The following TAAR1 variants were observed in gnomAD, a reference collection of about 807,000 sequenced individuals.
TAAR1 encodes trace amine-associated receptor 1.
TAAR1 carries 1 observed loss-of-function variant against 1.2 expected under a neutral mutation model. The ratio of observed to expected loss-of-function variants is 0.81; its 90% CI spans 0.29 to 3.86. TAAR1 has a LOEUF of 3.86. Among genes scored for constraint, TAAR1 ranks in the 30% most tolerant of loss-of-function variants. The pLI, the probability that TAAR1 is intolerant of heterozygous loss-of-function variation, is 0.18. For synonymous variants in TAAR1, 153 were observed against 132.2 expected, an observed-to-expected ratio of 1.16 and a Z score of -1.08; for missense variants, 445 against 405.6, an observed-to-expected ratio of 1.10 and a Z score of -0.83.
chr6:132,651,616 C>A lies in TAAR1; in HGVS notation c.-126-5487G>T, dbSNP rs6902492. ...GTTATCTAGAATCAGATCATTTCTC[C>A]TCATTTCTACTACTATCACCATCCT... On this transcript the variant is annotated intron_variant, in intron 1 of 1. Coordinates refer to ENST00000275216, the MANE Select transcript of TAAR1 (RefSeq NM_138327.4). Among the ~76,000 whole-genome samples, 6 of 152,026 alleles carry A rather than the reference C, an allele frequency of 3.9e-5. No individual in the cohort carries two copies. The East Asian group carries it at 7.7e-4, about 20-fold the overall frequency.
intron 1 of TAAR1, among the ~76,000 whole-genome samples, chr6:132,657,433 G>A (rs1021705831): frequency 4.0e-5 from 6 of 151,650 alleles, no homozygotes; most frequent in African/African-American, 1.5e-4. Context: ...TTAACAAGAT[G>A]TTAAATAAAA....
rs1241283925 is a variant in TAAR1, at chr6:132,647,619, AAAAGGAAAG to A, written c.-126-1499_-126-1491del. On this transcript the variant is annotated intron_variant, in intron 1 of 1. Coordinates refer to ENST00000275216, the MANE Select transcript of TAAR1 (RefSeq NM_138327.4). Reference sequence around the variant, plus strand: ...AAGAGAAAGAAAAAAGAAAGAAAGAAAAAGGAAAGAAAGAAAGAAAGAAAGAAAGAAAGA... The same window carrying A: ...AAGAGAAAGAAAAAAGAAAGAAAGAAAAAGAAAGAAAGAAAGAAAGAAAGA... Among the ~76,000 whole-genome samples the A allele has an allele frequency of 5.9e-3, 687 of 115,996 alleles. 12 individuals are homozygous for A. Among genetic ancestry groups the A allele is most frequent in the Middle Eastern group, 0.023 (6 of 260 alleles). The allele number at this position is 115,996 out of a possible 152,430, so 76.1% of individuals were successfully genotyped here. A position where few individuals can be genotyped will look rare whatever the true frequency, so the allele number is the denominator to read the frequency against.
intron 1 of TAAR1, among the ~76,000 whole-genome samples, chr6:132,650,647 T>A (rs189473070): frequency 6.6e-6 from 1 of 152,242 alleles, no homozygotes; most frequent in African/African-American, 2.4e-5. Context: ...AATGTCCACA[T>A]CCCTCCAGCC....
chr6:132,658,800 A>T (rs1479409870), intron 1 of TAAR1, among the ~76,000 whole-genome samples: 1 of 152,210 alleles, frequency 6.6e-6, no homozygotes, highest in Non-Finnish European at 1.5e-5. Flanking sequence ...AGATTTTTTA[A>T]AAGTTTCAAC....
chr6:132,653,553 G>C (rs1777769989), intron 1 of TAAR1, among the ~76,000 whole-genome samples: 1 of 152,198 alleles, frequency 6.6e-6, no homozygotes. Flanking sequence ...ATTGGAGACA[G>C]AGACATGGGA....
At chr6:132,646,774 C>T (rs1457274448) in intron 1 of TAAR1, among the ~76,000 whole-genome samples, 1 of 152,028 alleles carries the variant, frequency 6.6e-6, no homozygotes, top group Non-Finnish European at 1.5e-5. Flanking sequence ...CTTCATTAAC[C>T]TCATTTTACT....
Position 132,645,165 on chromosome 6 carries a change from A to G in TAAR1, c.839T>C (p.Ile280Thr). ...TACATCATTCAAAGTAGGTGGAATA[A>G]TGTAGTGAAGAAAAGGGTCCATGAC... ...CTVMDPFLHY[I>T]IPPTLNDVLI... is the part of the protein sequence containing the mutation. The change falls in exon 2 of 2, where the codon ATT (isoleucine) becomes ACT (threonine). Residue 280 changes from isoleucine to threonine, a missense_variant. Transcript: ENST00000275216. 1.2e-6 allele frequency: 2 copies of G among 1,612,712 alleles called. No homozygotes were observed. The highest frequency in any genetic ancestry group is 2.7e-5 in the African/African-American group (2 of 74,938).
Position 132,645,796 on chromosome 6 carries a change from A to T in TAAR1, c.208T>A (p.Phe70Ile). ...GGCATGACCAGACACCCCAGAAGAA[A>T]GTCCACAGTGGCCATGGAATGAATG... ...WLIHSMATVD[F>I]LLGCLVMPYS... The change falls in exon 2 of 2, where the codon TTT becomes ATT. Residue 70 changes from phenylalanine to isoleucine, a missense_variant. Physicochemically the swap from Phe to Ile is conservative, Grantham distance 21. Transcript: ENST00000275216. 6.2e-7 allele frequency: 1 copy of T among 1,613,752 alleles called. No homozygotes were observed. Among genetic ancestry groups the T allele is most frequent in the Non-Finnish European group, 8.5e-7 (1 of 1,179,816 alleles).
At chr6:132,651,887 G>A (rs974422332) in intron 1 of TAAR1, among the ~76,000 whole-genome samples, 6 of 152,164 alleles carry the variant, frequency 3.9e-5, no homozygotes, top group African/African-American at 1.4e-4. Context: ...CCCCTATCAG[G>A]CCAAAGAAAC....
At chr6:132,652,166 T>G (rs1777756529) in intron 1 of TAAR1, among the ~76,000 whole-genome samples, 1 of 127,542 alleles carries the variant, frequency 7.8e-6, no homozygotes, top group Non-Finnish European at 1.8e-5. Flanking sequence ...GCTAGGTGAT[T>G]TTTTTTTCCA....
chr6:132,647,880 GA>G, intron 1 of TAAR1, among the ~76,000 whole-genome samples: 1 of 151,944 alleles, frequency 6.6e-6, no homozygotes. Context: ...TAGAATGAGA[GA>G]AATGCAATAT....
intron 1 of TAAR1, among the ~76,000 whole-genome samples, chr6:132,647,623 G>GAAAAGAAAGAAAGA: frequency 9.7e-6 from 1 of 103,122 alleles, no homozygotes; most frequent in South Asian, 3.0e-4. Context: ...GAAAGAAAAA[G>GAAAAGAAAGAAAGA]GAAAGAAAGA....
intron 1 of TAAR1, among the ~76,000 whole-genome samples, chr6:132,653,868 A>G (rs1013744567): frequency 6.6e-6 from 1 of 152,206 alleles, no homozygotes; most frequent in Non-Finnish European, 1.5e-5. Context: ...CCAATCGGTG[A>G]CCATCGGAGC....
chr6:132,656,505 A>C (rs974540728), intron 1 of TAAR1, among the ~76,000 whole-genome samples: 1 of 152,206 alleles, frequency 6.6e-6, no homozygotes, highest in Admixed American at 6.5e-5. Context: ...TTCACTGCTG[A>C]AGCTCCAAGG....
intron 1 of TAAR1, among the ~76,000 whole-genome samples, chr6:132,647,628 GAAAGAAAGAAAGAA>G (rs1351707341): frequency 1.9e-5 from 1 of 52,478 alleles, no homozygotes; most frequent in Non-Finnish European, 3.5e-5. Context: ...AAAAAGGAAA[GAAAGAAAGAAAGAA>G]AGAAAGAAAG....
chr6:132,655,638 C>T (rs1220703280), intron 1 of TAAR1, among the ~76,000 whole-genome samples: 1 of 152,142 alleles, frequency 6.6e-6, no homozygotes, highest in Non-Finnish European at 1.5e-5. Flanking sequence ...AGTAAGCCCC[C>T]ACACCCGATC....
At chr6:132,653,159 T>G (rs67572180) in intron 1 of TAAR1, among the ~76,000 whole-genome samples, 9,451 of 152,158 alleles carry the variant, frequency 0.062, 334 homozygotes, top group East Asian at 0.11. Context: ...ATCAAGATCT[T>G]CTGCTCCTTC....
intron 1 of TAAR1, among the ~76,000 whole-genome samples, chr6:132,650,444 T>C (rs976817665): frequency 5.3e-5 from 8 of 152,188 alleles, no homozygotes; most frequent in African/African-American, 1.9e-4. Context: ...TAGCCTTCTT[T>C]TAAATTCGTA....
At chr6:132,651,307 A>G (rs1251575476) in intron 1 of TAAR1, among the ~76,000 whole-genome samples, 1 of 152,142 alleles carries the variant, frequency 6.6e-6, no homozygotes, top group South Asian at 2.1e-4. Context: ...GGCATAGTCT[A>G]CACTCTGATG....
Sources: gnomAD v4.1 joint callset for allele counts (sites outside exome capture counted in the v4.1 genomes callset) on GRCh38, gnomAD v4.1.1 for gene constraint, MANE v1.5 for transcripts, NCBI Gene and HGNC (gene_info 2026-07-23, HGNC 2026-07-21) for gene names.